FAM149B1: variants seen among roughly 807,000 people sequenced by gnomAD.
FAM149B1 encodes the protein primary cilium assembly protein FAM149B1.
FAM149B1 carries 56 observed loss-of-function variants against 75.3 expected under a neutral mutation model. That is an observed-to-expected ratio of 0.74 (90% CI 0.60 to 0.93). The LOEUF (loss-of-function observed/expected upper bound fraction) is 0.93, where lower values mean the gene tolerates loss of function less well. Ranked by LOEUF, FAM149B1 falls within the 40% of genes least tolerant of loss-of-function variation. The pLI is 0.00. For synonymous variants in FAM149B1, 259 were observed against 256.1 expected (o/e 1.01, Z -0.11); for missense variants, 639 against 708.4 (o/e 0.90, Z 1.11).
chr10:73,233,094 C>A lies in FAM149B1; in HGVS notation c.1283C>A (p.Pro428Gln), dbSNP rs567292300. 5 of 1,551,658 alleles carry A rather than the reference C, an allele frequency of 3.2e-6. No individual in the cohort carries two copies. In the South Asian group the frequency reaches 3.6e-5, roughly 11 times the overall value. The change falls in exon 10 of 14, where the codon CCG becomes CAG. Residue 428 changes from proline (P) to glutamine (Q), a missense_variant. Transcript: ENST00000242505. ...AATCCACCACCACGAACTCTTCATC[C>A]GATCAGCACGAGCCATTCATGTGCT... is the stretch of plus-strand genomic sequence containing the variant. ...RRNPPPRTLH[P>Q]ISTSHSCAET...
At chr10:73,195,079 C>T (rs572911557) in intron 5 of FAM149B1, among the ~76,000 whole-genome samples, 13 of 152,312 alleles carry the variant, frequency 8.5e-5, no homozygotes, top group African/African-American at 2.9e-4. Context: ...AAACCTATGC[C>T]TATACTTAAA....
chr10:73,183,034 TG>T (rs2042438258), intron 3 of FAM149B1, among the ~76,000 whole-genome samples: 1 of 152,132 alleles, frequency 6.6e-6, no homozygotes, highest in Non-Finnish European at 1.5e-5. Context: ...TCTCCCTGCC[TG>T]GGGACAATTT....
intron 5 of FAM149B1, chr10:73,200,495 T>C (rs2042908768): frequency 1.6e-6 from 1 of 619,328 alleles, no homozygotes. Flanking sequence ...CCAGGGAGAA[T>C]GTGTGATATG....
Position 73,234,933 on chromosome 10 carries a change from G to A in FAM149B1, c.1469G>A (p.Arg490Lys), listed in dbSNP as rs182236885. The part of the protein sequence containing the change: ...VEHVSTVGPQ[R>K]QMKPHGDSSR... The stretch of plus-strand genomic sequence containing the variant: ...CATGTGAGCACTGTGGGGCCACAAA[G>A]ACAGATGGTATGTTTCTTTCATATT... The change falls in exon 11 of 14, where the codon AGA becomes AAA. Residue 490 changes from arginine to lysine, a missense_variant. Physicochemically the swap from Arg to Lys is conservative, Grantham distance 26 (BLOSUM62 2). Transcript: ENST00000242505. 92 of 1,551,994 alleles carry A rather than the reference G, an allele frequency of 5.9e-5. No individual in the cohort carries two copies. The African/African-American group carries it at 1.1e-3, about 19-fold the overall frequency.
In FAM149B1 at chr10:73,168,239, C is replaced by A; in HGVS notation, c.-101C>A. The A allele has an allele frequency of 7.5e-7, 1 of 1,331,524 alleles. No individual in the cohort carries two copies. Among genetic ancestry groups the A allele is most frequent in the Non-Finnish European group, 1.0e-6 (1 of 979,114 alleles). The allele number at this position is 1,331,524 out of a possible 1,614,324, so 82.5% of individuals were successfully genotyped here. A position where few individuals can be genotyped will look rare whatever the true frequency, so the allele number is the denominator to read the frequency against. On this transcript the variant is annotated 5_prime_UTR_variant, in exon 1 of 14. Transcript: ENST00000242505. ...CGGGGCCGGTAGGTGGCGGGAGGGGCCGGGCCGGAGCCGGCGGGAGGGCCA... is the reference window on the plus strand; with the variant it reads ...CGGGGCCGGTAGGTGGCGGGAGGGGACGGGCCGGAGCCGGCGGGAGGGCCA...
intron 7 of FAM149B1, among the ~76,000 whole-genome samples, chr10:73,219,504 T>C: frequency 6.6e-6 from 1 of 152,136 alleles, no homozygotes; most frequent in Non-Finnish European, 1.5e-5. Context: ...ATTTAAAAAG[T>C]TACTACAAAA....
chr10:73,193,146 T>C (rs1277018834), intron 4 of FAM149B1, among the ~76,000 whole-genome samples: 1 of 152,240 alleles, frequency 6.6e-6, no homozygotes, highest in East Asian at 1.9e-4. Flanking sequence ...TAATTCGTAG[T>C]TTTTACTAAT....
chr10:73,244,067 A>G lies in FAM149B1; in HGVS notation c.*3048A>G, dbSNP rs1376996745. Reference sequence around the variant, plus strand: ...ACAAAATGAATCGAATTACATAACTATGTCATTCATTAAATGGCAACAATG... The same window carrying G: ...ACAAAATGAATCGAATTACATAACTGTGTCATTCATTAAATGGCAACAATG... On this transcript the variant is annotated 3_prime_UTR_variant, in exon 14 of 14. Coordinates refer to ENST00000242505, the MANE Select transcript of FAM149B1 (RefSeq NM_173348.2). The G allele has an allele frequency of 1.5e-5, 10 of 653,786 alleles. No homozygotes were observed. Among genetic ancestry groups the G allele is most frequent in the Non-Finnish European group, 2.6e-5 (10 of 380,962 alleles). The allele number at this position is 653,786 out of a possible 1,614,324, so 40.5% of individuals were successfully genotyped here. A position where few individuals can be genotyped will look rare whatever the true frequency, so the allele number is the denominator to read the frequency against.
At position 73,189,697 on chromosome 10, in the gene FAM149B1, G is replaced by A. The variant is rs543555320; in HGVS notation, c.283-2859G>A. 5.3e-5 allele frequency among the ~76,000 whole-genome samples: 8 copies of A among 152,308 alleles called. No homozygotes were observed. The South Asian group carries it at 1.7e-3, about 32-fold the overall frequency. On this transcript the variant is annotated intron_variant, in intron 3 of 13. Coordinates refer to ENST00000242505, the MANE Select transcript of FAM149B1 (RefSeq NM_173348.2). Reference sequence around the variant, plus strand: ...ATATGAAGTTCTAGACCAGACAAAAGTAACTTACAGTGATAAAAATAAGTC... The same window carrying A: ...ATATGAAGTTCTAGACCAGACAAAAATAACTTACAGTGATAAAAATAAGTC...
intron 7 of FAM149B1, among the ~76,000 whole-genome samples, chr10:73,215,558 T>C (rs2043280503): frequency 6.6e-6 from 1 of 152,192 alleles, no homozygotes; most frequent in Non-Finnish European, 1.5e-5. Context: ...TTTATTGCTA[T>C]AACTTTCCTC....
chr10:73,191,429 C>T (rs1420100197), intron 3 of FAM149B1, among the ~76,000 whole-genome samples: 1 of 151,880 alleles, frequency 6.6e-6, no homozygotes, highest in Non-Finnish European at 1.5e-5. Flanking sequence ...CTCCGCCTCC[C>T]AGGTTCAGGC....
intron 7 of FAM149B1, among the ~76,000 whole-genome samples, chr10:73,215,184 C>T (rs954491948): frequency 4.6e-5 from 7 of 151,938 alleles, no homozygotes; most frequent in African/African-American, 1.7e-4. Context: ...CCATAACCAG[C>T]GTATTTTTGT....
At chr10:73,238,824 C>T (rs1032599516) in intron 12 of FAM149B1, 1 of 152,454 alleles carries the variant, frequency 6.6e-6, no homozygotes, top group Non-Finnish European at 1.5e-5. Flanking sequence ...CGTATCTCTA[C>T]ATTTTTTAAT....
chr10:73,176,399 C>T (rs529379155), intron 2 of FAM149B1, among the ~76,000 whole-genome samples: 5 of 152,286 alleles, frequency 3.3e-5, no homozygotes, highest in African/African-American at 9.6e-5. Context: ...GGGTTCGGGA[C>T]CCCTGTCTCA....
chr10:73,220,230 A>G (rs922316278), intron 7 of FAM149B1, among the ~76,000 whole-genome samples: 1 of 152,156 alleles, frequency 6.6e-6, no homozygotes, highest in African/African-American at 2.4e-5. Flanking sequence ...CTATGTGTAT[A>G]TATATTTTTA....
intron 3 of FAM149B1, among the ~76,000 whole-genome samples, chr10:73,189,386 A>G (rs960684028): frequency 7.9e-5 from 12 of 152,186 alleles, no homozygotes; most frequent in African/African-American, 2.9e-4. Flanking sequence ...ACTGCTAGCT[A>G]TTATCCAAGA....
At chr10:73,179,899 T>G (rs1011924201) in intron 3 of FAM149B1, among the ~76,000 whole-genome samples, 1 of 152,228 alleles carries the variant, frequency 6.6e-6, no homozygotes, top group Non-Finnish European at 1.5e-5. Flanking sequence ...TTTTCCTGTC[T>G]TAATATATCA....
rs151187431 is a variant in FAM149B1 at position 73,198,764 on chromosome 10, C to G, written c.542+5171C>G. On this transcript the variant is annotated intron_variant, in intron 5 of 13. Transcript: ENST00000242505. ...AGGTTGCAGTGAGTCGAGTTCGCAC[C>G]ATTGCACTCCAGCCTGGGCGGCAAG... is the stretch of plus-strand genomic sequence containing the variant. Among the ~76,000 whole-genome samples, 278 of 152,214 alleles carry G rather than the reference C, an allele frequency of 1.8e-3. 3 individuals carry two copies. The highest frequency in any genetic ancestry group is 6.3e-3 in the African/African-American group (262 of 41,512).
chr10:73,202,589 C>T (rs1049533755), intron 5 of FAM149B1, among the ~76,000 whole-genome samples: 2 of 152,000 alleles, frequency 1.3e-5, no homozygotes, highest in Non-Finnish European at 2.9e-5. Flanking sequence ...TGAGCCACCA[C>T]GCCTGGCTAA....
Sources: allele counts gnomAD v4.1 joint callset (sites outside exome capture counted in the v4.1 genomes callset), GRCh38; gene constraint gnomAD v4.1.1; transcripts MANE v1.5; gene names NCBI Gene and HGNC (gene_info 2026-07-23, HGNC 2026-07-21).